PDE1A: variants seen among roughly 807,000 people sequenced by gnomAD.
PDE1A encodes dual specificity calcium/calmodulin-dependent 3',5'-cyclic nucleotide phosphodiesterase 1A.
Under a neutral mutation model 61.7 loss-of-function variants are expected in PDE1A, and 35 were observed. That is an observed-to-expected ratio of 0.57 (90% CI 0.43 to 0.75). PDE1A has a LOEUF of 0.75. Among genes scored for constraint, PDE1A ranks in the 30% least tolerant of loss-of-function variants. PDE1A has a pLI of 0.00. For synonymous variants in PDE1A, 232 were observed against 213.2 expected (o/e 1.09, Z -0.77); for missense variants, 597 against 630.6 (o/e 0.95, Z 0.57).
downstream of PDE1A, among the ~76,000 whole-genome samples, chr2:182,163,322 C>A (rs1426671840): frequency 5.3e-5 from 8 of 152,142 alleles, no homozygotes; most frequent in East Asian, 1.5e-3. Flanking sequence ...ACTGGCAAGG[C>A]CAGCAATATA....
At chr2:182,177,129 A>T (rs1273168616) in intron 13 of PDE1A, among the ~76,000 whole-genome samples, 1 of 150,562 alleles carries the variant, frequency 6.6e-6, no homozygotes, top group East Asian at 2.0e-4. Context: ...TTCATCAAGG[A>T]TATTGGTCTA....
chr2:182,561,208 T>C, the PDE1A span, among the ~76,000 whole-genome samples: 4 of 151,960 alleles, frequency 2.6e-5, no homozygotes, highest in African/African-American at 9.7e-5. Context: ...TTTAAGTCTT[T>C]ATCCATCTTG....
chr2:182,488,830 T>C (rs574733779), intron 2 of PDE1A, among the ~76,000 whole-genome samples: 43 of 152,326 alleles, frequency 2.8e-4, no homozygotes, highest in Middle Eastern at 3.4e-3. Flanking sequence ...TTTGAATGTA[T>C]AGATGCTATT....
At chr2:182,661,854 G>A in the PDE1A span, among the ~76,000 whole-genome samples, 1 of 152,044 alleles carries the variant, frequency 6.6e-6, no homozygotes, top group Non-Finnish European at 1.5e-5. Flanking sequence ...GGATATGTGA[G>A]ACATTGTAAG....
At chr2:182,412,058 GAAA>G (rs59999610) in intron 1 of PDE1A, among the ~76,000 whole-genome samples, 8 of 131,846 alleles carry the variant, frequency 6.1e-5, no homozygotes, top group Non-Finnish European at 9.7e-5. Flanking sequence ...ACTCCATCTC[GAAA>G]AAAAAAAAAA....
chr2:182,563,340 T>C, the PDE1A span, among the ~76,000 whole-genome samples: 3 of 152,330 alleles, frequency 2.0e-5, no homozygotes, highest in South Asian at 6.2e-4. Context: ...GAGCAGGTTG[T>C]TCAGTTTCCA....
At chr2:182,548,008 C>T in the PDE1A span, among the ~76,000 whole-genome samples, 1 of 152,070 alleles carries the variant, frequency 6.6e-6, no homozygotes, top group African/African-American at 2.4e-5. Flanking sequence ...AAAATAAAAT[C>T]ACAATTTTTC....
At chr2:182,712,564 T>C in the PDE1A span, among the ~76,000 whole-genome samples, 1 of 152,266 alleles carries the variant, frequency 6.6e-6, no homozygotes, top group African/African-American at 2.4e-5. Context: ...TCCATTTTTT[T>C]CTTTTTTTTT....
intron 2 of PDE1A, among the ~76,000 whole-genome samples, chr2:182,439,310 G>A (rs983647109): frequency 1.3e-5 from 2 of 151,890 alleles, no homozygotes; most frequent in African/African-American, 4.8e-5. Flanking sequence ...CAGTTATGGA[G>A]ATAAAATGTG....
intron 3 of PDE1A, among the ~76,000 whole-genome samples, chr2:182,237,242 C>T (rs936051616): frequency 3.3e-5 from 5 of 152,106 alleles, no homozygotes; most frequent in Admixed American, 2.0e-4. Flanking sequence ...CCTGTAATCC[C>T]AGAACTTTGG....
the PDE1A span, among the ~76,000 whole-genome samples, chr2:182,628,580 T>G: frequency 1.3e-5 from 2 of 152,304 alleles, no homozygotes; most frequent in Middle Eastern, 3.4e-3. Context: ...ATTGCATCAA[T>G]GTATAGTATT....
chr2:182,221,235 G>C lies in PDE1A; in HGVS notation c.776+2629C>G, dbSNP rs963194585. On this transcript the variant is annotated intron_variant, in intron 7 of 13. Transcript: ENST00000351439. The stretch of plus-strand genomic sequence containing the variant: ...AGAGTGATGATCTAACACTGCTGCT[G>C]GAAGAGGCCAGCCCACTGGCCTTTA... 6.6e-5 allele frequency among the ~76,000 whole-genome samples: 10 copies of C among 151,974 alleles called. 1 individual carries two copies. The highest frequency in any genetic ancestry group is 5.9e-4 in the Admixed American group (9 of 15,240).
Position 182,490,082 on chromosome 2 carries a change from A to T in PDE1A, c.101+32194T>A, listed in dbSNP as rs375121504. Among the ~76,000 whole-genome samples, 10 of 126,416 alleles carry T rather than the reference A, an allele frequency of 7.9e-5. No homozygotes were observed. In the East Asian group the frequency reaches 1.8e-3, roughly 23 times the overall value. 82.9% of individuals were successfully genotyped at this position (126,416 alleles called of 152,430 possible). On this transcript the variant is annotated intron_variant, in intron 2 of 14. Coordinates refer to the PDE1A transcript ENST00000410103. ...AGTGTTATTCTGGAAGCAGTAAAGA[A>T]AGTGTTCCAAAAAGAAACTTTAAGC...
At chr2:182,372,245 A>G (rs753570919) in intron 1 of PDE1A, among the ~76,000 whole-genome samples, 1 of 152,220 alleles carries the variant, frequency 6.6e-6, no homozygotes, top group Non-Finnish European at 1.5e-5. Flanking sequence ...CATCTACTGC[A>G]TAACTGCTAT....
At chr2:182,145,897 A>C (rs1416817500), downstream of PDE1A, among the ~76,000 whole-genome samples, 3 of 152,212 alleles carry the variant, frequency 2.0e-5, no homozygotes, top group African/African-American at 7.2e-5. Flanking sequence ...ATTATTTTAA[A>C]AGCGAATCAC....
chr2:182,455,909 T>C (rs189670721), intron 2 of PDE1A, among the ~76,000 whole-genome samples: 28 of 140,070 alleles, frequency 2.0e-4, no homozygotes, highest in Admixed American at 6.5e-4. Context: ...AGTATAATAA[T>C]AATAAACAGG....
chr2:182,194,462 G>A (rs1298755199), intron 10 of PDE1A, among the ~76,000 whole-genome samples: 1 of 152,086 alleles, frequency 6.6e-6, no homozygotes, highest in Admixed American at 6.6e-5. Flanking sequence ...CAGTAGGTGT[G>A]TTGATCTGCA....
At chr2:182,643,340 G>T in the PDE1A span, among the ~76,000 whole-genome samples, 1 of 152,188 alleles carries the variant, frequency 6.6e-6, no homozygotes, top group Non-Finnish European at 1.5e-5. Context: ...TAAGCAGGGA[G>T]CCAGGTCTGC....
chr2:182,457,913 T>C lies in PDE1A; in HGVS notation c.101+64363A>G, dbSNP rs72885144. ...AGCATTAACAATTCATTAGATTCTA[T>C]TTAAGATGTAGCTTTATTTATGACT... On this transcript the variant is annotated intron_variant, in intron 2 of 14. Coordinates refer to the PDE1A transcript ENST00000410103. Among the ~76,000 whole-genome samples the C allele has an allele frequency of 5.5e-3, 833 of 152,208 alleles. 3 individuals carry two copies. Among genetic ancestry groups the C allele is most frequent in the Non-Finnish European group, 9.1e-3 (619 of 67,962 alleles).
Sources: allele counts gnomAD v4.1 joint callset (sites outside exome capture counted in the v4.1 genomes callset), GRCh38; gene constraint gnomAD v4.1.1; transcripts MANE v1.5; gene names NCBI Gene and HGNC (gene_info 2026-07-23, HGNC 2026-07-21).